The following LARP1 variants were observed in gnomAD, a reference collection of about 807,000 sequenced individuals.
LARP1 encodes la-related protein 1.
A neutral mutation model predicts 122.7 loss-of-function variants in LARP1; 36 were observed. The ratio of observed to expected loss-of-function variants is 0.29; its 90% CI spans 0.22 to 0.39. The LOEUF (loss-of-function observed/expected upper bound fraction) is 0.39, where lower values mean the gene tolerates loss of function less well. Among genes scored for constraint, LARP1 ranks in the 10% least tolerant of loss-of-function variants. The pLI is 1.00. For missense variants in LARP1, 1,040 were observed against 1,403.6 expected (o/e 0.74, Z 4.14); for synonymous variants, 539 against 528.7 (o/e 1.02, Z -0.27).
chr5:154,796,093 TTTTATATA>T (rs1285558582), intron 8 of LARP1, among the ~76,000 whole-genome samples: 4 of 120,904 alleles, frequency 3.3e-5, no homozygotes, highest in African/African-American at 1.3e-4. Context: ...TATATATATA[TTTTATATA>T]TTTATATATA....
At chr5:154,695,809 G>A (rs1332635544) in intron 1 of LARP1, among the ~76,000 whole-genome samples, 1 of 152,016 alleles carries the variant, frequency 6.6e-6, no homozygotes, top group Non-Finnish European at 1.5e-5. Flanking sequence ...GGAGGCAAAG[G>A]TCACAGTGAG....
At position 154,808,339 on chromosome 5, in the gene LARP1, G is replaced by C. The variant is rs1313462468; in HGVS notation, c.2699-120G>C. 6 of 1,197,920 alleles carry C rather than the reference G, an allele frequency of 5.0e-6. No individual in the cohort carries two copies. In the East Asian group the frequency reaches 1.5e-4, roughly 29 times the overall value. The allele number at this position is 1,197,920 out of a possible 1,614,324, so 74.2% of individuals were successfully genotyped here. A position where few individuals can be genotyped will look rare whatever the true frequency, so the allele number is the denominator to read the frequency against. On this transcript the variant is annotated intron_variant, in intron 15 of 18. Transcript: ENST00000518297. ...GCTGAATGACTGAGTGGCAGATGAT[G>C]AGTGAGGGGATTTGGAAGTACATGA...
At chr5:154,694,733 T>A (rs1384381739) in intron 1 of LARP1, among the ~76,000 whole-genome samples, 2 of 152,354 alleles carry the variant, frequency 1.3e-5, no homozygotes, top group Non-Finnish European at 2.9e-5. Context: ...ATATCTGTAA[T>A]TAGCTTTAAA....
At chr5:154,713,260 C>A in intron 1 of LARP1, 1 of 699,134 alleles carries the variant, frequency 1.4e-6, no homozygotes. Flanking sequence ...CGAGTCACTC[C>A]AGCTCTCTGA....
chr5:154,734,022 C>G (rs1756740186), intron 1 of LARP1, among the ~76,000 whole-genome samples: 1 of 151,766 alleles, frequency 6.6e-6, no homozygotes, highest in South Asian at 2.1e-4. Context: ...AAAAAATTAG[C>G]CAGGCATGGT....
At chr5:154,709,359 G>A (rs1755102349), upstream of LARP1, among the ~76,000 whole-genome samples, 1 of 152,186 alleles carries the variant, frequency 6.6e-6, no homozygotes, top group Non-Finnish European at 1.5e-5. Context: ...GATGCAGGGT[G>A]CTTGGCCTCC....
chr5:154,778,771 T>A (rs752744327), intron 1 of LARP1, among the ~76,000 whole-genome samples: 3 of 152,214 alleles, frequency 2.0e-5, no homozygotes, highest in Non-Finnish European at 4.4e-5. Flanking sequence ...AGGGCTCTGG[T>A]CACTCTTCCA....
rs186463380 is a variant in LARP1 at position 154,758,839 on chromosome 5, A to G, written c.436+2646A>G. 2.1e-3 allele frequency among the ~76,000 whole-genome samples: 319 copies of G among 152,280 alleles called. 2 individuals carry two copies. Among genetic ancestry groups the G allele is most frequent in the Non-Finnish European group, 2.8e-3 (190 of 68,008 alleles). ...CTAGTAATAAAATATGTTTCGTGAT[A>G]TCTCTACTTTCTTGTGGGGTTCTGT... On this transcript the variant is annotated intron_variant, in intron 1 of 18. Coordinates refer to ENST00000518297, the MANE Select transcript of LARP1 (RefSeq NM_033551.3).
chr5:154,799,262 T>G (rs920809439), intron 8 of LARP1, among the ~76,000 whole-genome samples: 4 of 152,218 alleles, frequency 2.6e-5, no homozygotes, highest in Admixed American at 2.0e-4. Flanking sequence ...TAGTTCTTTT[T>G]CTACTCTAGT....
chr5:154,804,115 A>G (rs1758561825), intron 13 of LARP1, 86 bp from the exon 14 acceptor site: 5 of 928,444 alleles, frequency 5.4e-6, no homozygotes, highest in South Asian at 4.1e-5. Context: ...GTGAGAGATC[A>G]TGCCCATCTT....
intron 1 of LARP1, among the ~76,000 whole-genome samples, chr5:154,695,255 T>G (rs1271432613): frequency 6.6e-6 from 1 of 151,464 alleles, no homozygotes; most frequent in Non-Finnish European, 1.5e-5. Flanking sequence ...GAGCTTGCAG[T>G]AAGCAGAGAT....
chr5:154,688,990 G>T (rs937718807), intron 1 of LARP1, among the ~76,000 whole-genome samples: 13 of 152,268 alleles, frequency 8.5e-5, no homozygotes, highest in African/African-American at 3.1e-4. Flanking sequence ...ACTATATATT[G>T]ACACCATTTT....
intron 8 of LARP1, among the ~76,000 whole-genome samples, chr5:154,796,058 A>T (rs1163308000): frequency 8.7e-6 from 1 of 115,346 alleles, no homozygotes; most frequent in Non-Finnish European, 1.6e-5. Flanking sequence ...TTTATATATT[A>T]TATATTTATA....
At chr5:154,733,131 CCTTGT>C (rs1197059187) in intron 1 of LARP1, among the ~76,000 whole-genome samples, 21 of 152,230 alleles carry the variant, frequency 1.4e-4, no homozygotes, top group Admixed American at 5.2e-4. Context: ...TAAGGTTGAC[CCTTGT>C]CTTATCTTTG....
At position 154,793,837 on chromosome 5, in the gene LARP1, C is replaced by T. The variant is rs200196703; in HGVS notation, c.906C>T (p.Pro302=). 2.8e-5 allele frequency: 45 copies of T among 1,614,206 alleles called. No individual in the cohort carries two copies. In the Admixed American group the frequency reaches 3.7e-4, roughly 13 times the overall value. ...CCACCTACGTGCCCGTGGCCCCCCC[C>T]ACCCCAGCCTGGCAACCAGAGATCA... is the stretch of plus-strand genomic sequence containing the variant. The part of the protein sequence containing the change: ...ESATYVPVAP[P]TPAWQPEIKP... Residue 302 remains proline, a synonymous_variant, in exon 6 of 19, where the codon CCC becomes CCT. Coordinates refer to ENST00000518297, the MANE Select transcript of LARP1 (RefSeq NM_033551.3).
intron 1 of LARP1, chr5:154,685,807 C>T (rs1561524504): frequency 2.2e-6 from 1 of 459,818 alleles, no homozygotes; most frequent in South Asian, 1.5e-5. Context: ...CTCAACTCTA[C>T]AATTTTTTTT....
intron 1 of LARP1, among the ~76,000 whole-genome samples, chr5:154,743,999 AT>A (rs1178443851): frequency 6.6e-6 from 1 of 152,216 alleles, no homozygotes; most frequent in Non-Finnish European, 1.5e-5. Flanking sequence ...CTCAGAGATG[AT>A]GGCACAGACC....
intron 3 of LARP1, among the ~76,000 whole-genome samples, chr5:154,791,106 C>T (rs1053196156): frequency 1.4e-4 from 21 of 150,736 alleles, no homozygotes; most frequent in African/African-American, 2.4e-4. Flanking sequence ...CATGAGCCAC[C>T]GTGCCCGGCC....
At chr5:154,804,170 A>T (rs753945591) in intron 13 of LARP1, 31 bp from the exon 14 acceptor site, 1 of 1,544,802 alleles carries the variant, frequency 6.5e-7, no homozygotes, top group Admixed American at 1.7e-5. Context: ...AGGAGTACAA[A>T]CAGTAACAAA....
Sources: gnomAD v4.1 joint callset for allele counts (sites outside exome capture counted in the v4.1 genomes callset) on GRCh38, gnomAD v4.1.1 for gene constraint, MANE v1.5 for transcripts, NCBI Gene and HGNC (gene_info 2026-07-23, HGNC 2026-07-21) for gene names.